MAP4K3: variants seen among roughly 807,000 people sequenced by gnomAD.
The protein encoded by MAP4K3 is mitogen-activated protein kinase kinase kinase kinase 3.
Under a neutral mutation model 143.5 loss-of-function variants are expected in MAP4K3, and 94 were observed. The ratio of observed to expected loss-of-function variants is 0.65; its 90% CI spans 0.55 to 0.78. The LOEUF is 0.78. Ranked by LOEUF, MAP4K3 falls within the 30% of genes least tolerant of loss-of-function variation. The pLI, the probability that MAP4K3 is intolerant of heterozygous loss-of-function variation, is 0.00. For missense variants in MAP4K3, 1,077 were observed against 1,068.1 expected, an observed-to-expected ratio of 1.01 and a Z score of -0.12; for synonymous variants, 416 against 347.2, an observed-to-expected ratio of 1.20 and a Z score of -2.20.
rs1211240139 is a variant in MAP4K3 at position 39,280,263 on chromosome 2, C to T, written c.1714+9G>A. On this transcript the variant is annotated intron_variant, in intron 23 of 33. Coordinates refer to ENST00000263881, the MANE Select transcript of MAP4K3 (RefSeq NM_003618.4). ...TAGGAAGATAACAGATAAAAACACA[C>T]AATACTACCTCTTGTATCTGGGTTT... The T allele has an allele frequency of 8.1e-6, 12 of 1,485,094 alleles. No homozygotes were observed. In the South Asian group the frequency reaches 1.7e-4, roughly 21 times the overall value. 92.0% of individuals were successfully genotyped at this position (1,485,094 alleles called of 1,614,324 possible).
At chr2:39,307,276 ATTAT>A (rs1682744588) in intron 15 of MAP4K3, among the ~76,000 whole-genome samples, 1 of 152,166 alleles carries the variant, frequency 6.6e-6, no homozygotes, top group South Asian at 2.1e-4. Flanking sequence ...TATTAAAAGT[ATTAT>A]TTATTTAACA....
intron 3 of MAP4K3, among the ~76,000 whole-genome samples, chr2:39,349,038 G>A (rs1010645661): frequency 3.3e-5 from 5 of 152,122 alleles, no homozygotes; most frequent in Non-Finnish European, 5.9e-5. Flanking sequence ...GTTGGCATAC[G>A]GAGTCTTCCT....
chr2:39,332,960 CTT>C (rs1281768478), intron 7 of MAP4K3, among the ~76,000 whole-genome samples: 1 of 151,860 alleles, frequency 6.6e-6, no homozygotes, highest in Non-Finnish European at 1.5e-5. Context: ...ACAAATATGA[CTT>C]TGTTCATAAA....
chr2:39,417,465 C>T (rs1290527326), intron 1 of MAP4K3, among the ~76,000 whole-genome samples: 1 of 151,872 alleles, frequency 6.6e-6, no homozygotes, highest in African/African-American at 2.4e-5. Context: ...GTGATCCACC[C>T]CCTCCGTCTC....
intron 5 of MAP4K3, 108 bp downstream of exon 5, chr2:39,337,418 T>A (rs1363656767): frequency 1.4e-6 from 1 of 710,816 alleles, no homozygotes; most frequent in Non-Finnish European, 2.4e-6. Context: ...ATTTTAAGAG[T>A]TTACCAAACT....
intron 2 of MAP4K3, among the ~76,000 whole-genome samples, chr2:39,357,293 T>G (rs966207363): frequency 1.3e-5 from 2 of 152,240 alleles, no homozygotes; most frequent in Non-Finnish European, 2.9e-5. Flanking sequence ...GAAAGAAAAG[T>G]AGCTTTGTAT....
chr2:39,333,756 A>G (rs1037736524), intron 6 of MAP4K3, among the ~76,000 whole-genome samples, 182 bp from the exon 7 acceptor site: 1 of 152,170 alleles, frequency 6.6e-6, no homozygotes, highest in African/African-American at 2.4e-5. Flanking sequence ...TTTTTAGGCA[A>G]CTTGACTATC....
intron 1 of MAP4K3, among the ~76,000 whole-genome samples, chr2:39,416,609 T>G (rs1182549590): frequency 6.6e-6 from 1 of 152,226 alleles, no homozygotes; most frequent in Non-Finnish European, 1.5e-5. Context: ...AGCATTATTT[T>G]CCTTTAGTGA....
chr2:39,307,984 C>A lies in MAP4K3; in HGVS notation c.1078G>T (p.Asp360Tyr). 1 of 1,598,400 alleles carries A rather than the reference C, an allele frequency of 6.3e-7. No individual in the cohort carries two copies. The highest frequency in any genetic ancestry group is 8.5e-7 in the Non-Finnish European group (1 of 1,172,766). ...HELPDSDGFL[D>Y]SSEEIYYTAR... ...GTGTAGTATATTTCTTCTGAACTGT[C>A]CAAAAAACCATCACTGTCGGGCTGT... Residue 360 changes from aspartate to tyrosine, a missense_variant, in exon 15 of 34, where the codon GAC (aspartate) becomes TAC (tyrosine). Asp to Tyr is a radical substitution (Grantham distance 160). This residue lies in a region of MAP4K3 where 864 missense variants were observed against 801.2 expected (regional missense o/e 1.08). Coordinates refer to ENST00000263881, the MANE Select transcript of MAP4K3 (RefSeq NM_003618.4).
intron 2 of MAP4K3, among the ~76,000 whole-genome samples, chr2:39,367,725 TA>T (rs1473761111): frequency 6.6e-6 from 1 of 152,026 alleles, no homozygotes; most frequent in African/African-American, 2.4e-5. Context: ...AACTTTAAGA[TA>T]AAAAGAAAAA....
chr2:39,368,823 T>C (rs1665996929), intron 2 of MAP4K3, among the ~76,000 whole-genome samples: 1 of 152,230 alleles, frequency 6.6e-6, no homozygotes, highest in African/African-American at 2.4e-5. Context: ...TTCTTGAGGT[T>C]ACATAGGCAT....
At chr2:39,414,022 AG>A (rs1406304285) in intron 1 of MAP4K3, among the ~76,000 whole-genome samples, 1 of 152,224 alleles carries the variant, frequency 6.6e-6, no homozygotes, top group Non-Finnish European at 1.5e-5. Flanking sequence ...GAGTAGTTCA[AG>A]GAATATCTGC....
At chr2:39,379,425 C>T (rs1361234032) in intron 1 of MAP4K3, among the ~76,000 whole-genome samples, 1 of 151,964 alleles carries the variant, frequency 6.6e-6, no homozygotes, top group Non-Finnish European at 1.5e-5. Flanking sequence ...AGACTTATTT[C>T]AAATTAAACT....
chr2:39,267,435 G>A (rs1680811169), intron 26 of MAP4K3, 188 bp from the exon 27 acceptor site: 1 of 536,156 alleles, frequency 1.9e-6, no homozygotes, highest in Non-Finnish European at 3.4e-6. Flanking sequence ...CACTTTGGGA[G>A]GCCGAGGTGG....
chr2:39,396,692 C>A lies in MAP4K3; in HGVS notation c.97-18569G>T, dbSNP rs185085453. 2.4e-4 allele frequency among the ~76,000 whole-genome samples: 36 copies of A among 152,234 alleles called. 1 individual carries two copies. The East Asian group carries it at 5.8e-3, about 25-fold the overall frequency. The stretch of plus-strand genomic sequence containing the variant: ...GTTTCACCCTGTTAATCAGGATGGT[C>A]TCGATCTCCTGACCTTGTGATCCGC... On this transcript the variant is annotated intron_variant, in intron 1 of 33. Coordinates refer to ENST00000263881, the MANE Select transcript of MAP4K3 (RefSeq NM_003618.4).
chr2:39,423,037 G>A (rs374198629), intron 1 of MAP4K3, among the ~76,000 whole-genome samples: 67 of 151,938 alleles, frequency 4.4e-4, no homozygotes, highest in Non-Finnish European at 9.0e-4. Flanking sequence ...TCTGATAGAG[G>A]ACATGTATCC....
At chr2:39,312,168 A>T (rs1005772344) in intron 13 of MAP4K3, among the ~76,000 whole-genome samples, 6 of 152,258 alleles carry the variant, frequency 3.9e-5, no homozygotes, top group Non-Finnish European at 8.8e-5. Flanking sequence ...AGTATAAACT[A>T]GCCAGAGTAG....
At chr2:39,359,701 G>A (rs1665712058) in intron 2 of MAP4K3, among the ~76,000 whole-genome samples, 1 of 152,266 alleles carries the variant, frequency 6.6e-6, no homozygotes, top group Non-Finnish European at 1.5e-5. Context: ...TCAAACCTCA[G>A]TTCTTGGTTT....
intron 28 of MAP4K3, among the ~76,000 whole-genome samples, chr2:39,261,441 A>C (rs962170435): frequency 1.3e-5 from 2 of 152,246 alleles, no homozygotes; most frequent in African/African-American, 4.8e-5. Context: ...AATGAGATAA[A>C]TACTATACAT....
Sources: gnomAD v4.1 joint callset for allele counts (sites outside exome capture counted in the v4.1 genomes callset) on GRCh38, gnomAD v4.1.1 for gene constraint, gnomAD v4.1.1 regional missense constraint, MANE v1.5 for transcripts, NCBI Gene and HGNC (gene_info 2026-07-23, HGNC 2026-07-21) for gene names.